The following ANKRD28 variants were observed in gnomAD, a reference collection of about 807,000 sequenced individuals.
The protein encoded by ANKRD28 is serine/threonine-protein phosphatase 6 regulatory ankyrin repeat subunit A.
ANKRD28 carries 44 observed loss-of-function variants against 126.5 expected under a neutral mutation model. That is an observed-to-expected ratio of 0.35 (90% confidence interval 0.27 to 0.45). ANKRD28 has a LOEUF of 0.45. Ranked by LOEUF, ANKRD28 falls within the 20% of genes least tolerant of loss-of-function variation. The probability of loss-of-function intolerance (pLI) is 1.00; values close to 1 mark genes in which losing one functional copy is unlikely to be tolerated. For synonymous variants in ANKRD28, 442 were observed against 468.5 expected (o/e 0.94, Z 0.73); for missense variants, 1,110 against 1,316.6 (o/e 0.84, Z 2.43).
intron 27 of ANKRD28, among the ~76,000 whole-genome samples, chr3:15,671,217 C>T (rs918301865): frequency 2.0e-5 from 3 of 151,862 alleles, no homozygotes; most frequent in Admixed American, 1.3e-4. Context: ...TTTTTTTAAG[C>T]GGAAGACAAC....
Position 15,812,153 on chromosome 3 carries a change from AC to A in ANKRD28, c.28-16848del, listed in dbSNP as rs374746487. On this transcript the variant is annotated intron_variant, in intron 1 of 27. Transcript: ENST00000399451. The surrounding 1 kb of genome is among the most constrained non-coding windows in gnomAD (Gnocchi z 4.1). ...GGGCAACAGAGTGAGACTCTGGCAA[AC>A]AAAACAAAACAAAACAAAACGAAAC... Among the ~76,000 whole-genome samples, 5,439 of 146,110 alleles carry A rather than the reference AC, an allele frequency of 0.037. 155 individuals carry two copies. Among genetic ancestry groups the A allele is most frequent in the South Asian group, 0.091 (407 of 4,494 alleles).
chr3:15,766,616 G>A (rs1195032517), intron 2 of ANKRD28, among the ~76,000 whole-genome samples: 3 of 152,016 alleles, frequency 2.0e-5, no homozygotes, highest in Admixed American at 1.3e-4. Context: ...AGGCTGCAGT[G>A]AGCCATGACT....
At chr3:15,733,522 A>G (rs1399301902) in intron 6 of ANKRD28, 1 of 152,230 alleles carries the variant, frequency 6.6e-6, no homozygotes, top group African/African-American at 2.4e-5. Context: ...TTTTCTTCAA[A>G]TATCATTTCT....
rs542732447 is a variant in ANKRD28, at chr3:15,741,398, A to G, written c.352-4165T>C. Reference sequence around the variant, plus strand: ...ATTATCAGTGTATCATCATAAGCACACGGAAAATAATGTGGGGATAACTAA... The same window carrying G: ...ATTATCAGTGTATCATCATAAGCACGCGGAAAATAATGTGGGGATAACTAA... On this transcript the variant is annotated intron_variant, in intron 4 of 27. Transcript: ENST00000683139. 5.3e-5 allele frequency among the ~76,000 whole-genome samples: 8 copies of G among 152,332 alleles called. No individual in the cohort carries two copies. In the East Asian group the frequency reaches 1.5e-3, roughly 29 times the overall value.
intron 1 of ANKRD28, among the ~76,000 whole-genome samples, chr3:15,850,224 TAG>T (rs375278547): frequency 0.084 from 2,938 of 34,854 alleles, 120 homozygotes; most frequent in Middle Eastern, 0.11. Flanking sequence ...TATATATATA[TAG>T]AGAGAGAGAG....
At chr3:15,807,110 T>C (rs1480800847) in intron 1 of ANKRD28, among the ~76,000 whole-genome samples, 3 of 152,230 alleles carry the variant, frequency 2.0e-5, no homozygotes, top group Non-Finnish European at 2.9e-5. Context: ...ACTCCCTTCA[T>C]AGCCACATGT....
At chr3:15,684,388 G>C (rs2067872717) in intron 21 of ANKRD28, 1 of 152,170 alleles carries the variant, frequency 6.6e-6, no homozygotes, top group Non-Finnish European at 1.5e-5. Context: ...ATGTAGCAGA[G>C]TTAACCCATC....
At chr3:15,776,310 T>G (rs1370873611) in intron 2 of ANKRD28, among the ~76,000 whole-genome samples, 2 of 152,218 alleles carry the variant, frequency 1.3e-5, no homozygotes, top group African/African-American at 4.8e-5. Flanking sequence ...CTTATGTGCA[T>G]CAGAAGACAA....
Position 15,669,491 on chromosome 3 carries a change from C to T in ANKRD28, c.*779G>A, listed in dbSNP as rs2066159755. On this transcript the variant is annotated 3_prime_UTR_variant, in exon 28 of 28. Transcript: ENST00000683139. ...TCAAAACAGGGCAACAGCCTGACCC[C>T]AATCCATCTCAATGTCTATGTCACA... The T allele has an allele frequency of 6.6e-6, 1 of 152,132 alleles. No individual in the cohort carries two copies. The highest frequency in any genetic ancestry group is 1.5e-5 in the Non-Finnish European group (1 of 68,018). 9.4% of individuals were successfully genotyped at this position (152,132 alleles called of 1,614,324 possible).
At chr3:15,741,396 A>G (rs939678892) in intron 4 of ANKRD28, among the ~76,000 whole-genome samples, 2 of 152,210 alleles carry the variant, frequency 1.3e-5, no homozygotes, top group Admixed American at 1.3e-4. Context: ...CATCATAAGC[A>G]CACGGAAAAT....
chr3:15,720,771 C>T (rs2073643447), intron 8 of ANKRD28, 144 bp downstream of exon 8: 1 of 760,048 alleles, frequency 1.3e-6, no homozygotes, highest in Non-Finnish European at 2.1e-6. Flanking sequence ...TTGAGTAAGG[C>T]TTTCACTCAG....
chr3:15,710,374 A>C (rs896064373), intron 12 of ANKRD28, among the ~76,000 whole-genome samples: 31 of 152,180 alleles, frequency 2.0e-4, no homozygotes. Flanking sequence ...TCAGACACTC[A>C]AGTCTGTTGT....
At chr3:15,795,391 G>A (rs1185707223) in intron 1 of ANKRD28, 85 bp from the exon 2 acceptor site, 4 of 917,460 alleles carry the variant, frequency 4.4e-6, no homozygotes, top group African/African-American at 3.4e-5. Flanking sequence ...GAATCTACAA[G>A]TTTTCTTCCC....
At chr3:15,786,991 A>C (rs916307490) in intron 2 of ANKRD28, among the ~76,000 whole-genome samples, 3 of 152,136 alleles carry the variant, frequency 2.0e-5, no homozygotes, top group African/African-American at 7.2e-5. Context: ...ATTTTTGTTA[A>C]CTTGATGAAA....
At chr3:15,818,383 A>G (rs1411474798) in intron 1 of ANKRD28, among the ~76,000 whole-genome samples, 2 of 152,216 alleles carry the variant, frequency 1.3e-5, no homozygotes, top group African/African-American at 4.8e-5. Context: ...AATTTAAAAT[A>G]GTTTACAAAA....
intron 4 of ANKRD28, among the ~76,000 whole-genome samples, chr3:15,744,464 C>A (rs2057339352): frequency 6.9e-6 from 1 of 144,990 alleles, no homozygotes; most frequent in Admixed American, 6.8e-5. Flanking sequence ...CGGGCACCAC[C>A]AAACCTGGCT....
chr3:15,806,647 G>A (rs557606129), intron 1 of ANKRD28, among the ~76,000 whole-genome samples: 7 of 151,992 alleles, frequency 4.6e-5, no homozygotes, highest in Non-Finnish European at 7.4e-5. Context: ...TCAGCCTCCC[G>A]AGTAGCTGGG....
intron 2 of ANKRD28, among the ~76,000 whole-genome samples, chr3:15,766,664 C>G (rs1408790962): frequency 6.6e-6 from 1 of 151,810 alleles, no homozygotes; most frequent in African/African-American, 2.4e-5. Context: ...AGAGCAGGAC[C>G]CTGTCTCTAT....
rs1434993100 is a variant in ANKRD28, at chr3:15,667,800, T to G, written c.*2470A>C. 1.3e-5 allele frequency: 2 copies of G among 152,240 alleles called. No homozygotes were observed. The highest frequency in any genetic ancestry group is 2.9e-5 in the Non-Finnish European group (2 of 68,046). 9.4% of individuals were successfully genotyped at this position (152,240 alleles called of 1,614,324 possible). A position where few individuals can be genotyped will look rare whatever the true frequency, so the allele number is the denominator to read the frequency against. ...GCAAGAACTACCTTAATGTTTTTGGTAACAGCATCATTTACATATAAGTGA... is the reference window on the plus strand; with the variant it reads ...GCAAGAACTACCTTAATGTTTTTGGGAACAGCATCATTTACATATAAGTGA... On this transcript the variant is annotated 3_prime_UTR_variant, in exon 28 of 28. Transcript: ENST00000683139.
Sources: gnomAD v4.1 joint callset for allele counts (sites outside exome capture counted in the v4.1 genomes callset) on GRCh38, gnomAD v4.1.1 for gene constraint, Gnocchi (gnomAD v3.1) non-coding constraint, MANE v1.5 for transcripts, NCBI Gene and HGNC (gene_info 2026-07-23, HGNC 2026-07-21) for gene names.